Variants in ALS2CL observed in about 807,000 individuals in gnomAD.
ALS2CL encodes ALS2 C-terminal-like protein.
A neutral mutation model predicts 127.9 loss-of-function variants in ALS2CL; 112 were observed. The observed-to-expected ratio is 0.88, with a 90% confidence interval of 0.75 to 1.02. ALS2CL has a LOEUF of 1.02. Among genes scored for constraint, ALS2CL ranks in the 50% least tolerant of loss-of-function variants. The pLI, the probability that ALS2CL is intolerant of heterozygous loss-of-function variation, is 0.00. For missense variants in ALS2CL, 1,174 were observed against 1,236.7 expected (o/e 0.95, Z 0.76); for synonymous variants, 519 against 527.6 (o/e 0.98, Z 0.22).
At chr3:46,679,578 G>T (rs533697264) in intron 14 of ALS2CL, 20 of 220,596 alleles carry the variant, frequency 9.1e-5, no homozygotes, top group African/African-American at 3.2e-4. Context: ...AGAAATGTGG[G>T]GCTTTCTCTG....
Position 46,682,058 on chromosome 3 carries a change from C to G in ALS2CL, c.1146G>C (p.Val382=). 1 of 1,614,050 alleles carries G rather than the reference C, an allele frequency of 6.2e-7. No individual in the cohort carries two copies. Among genetic ancestry groups the G allele is most frequent in the Non-Finnish European group, 8.5e-7 (1 of 1,179,982 alleles). The change falls in exon 11 of 26, where the codon GTG becomes GTC. Residue 382 remains valine (V), a synonymous_variant. Coordinates refer to ENST00000318962, the MANE Select transcript of ALS2CL (RefSeq NM_147129.5). ...GCTCCAGGCCCTGGCAGAAATTCCCCACGTGATTCCGCCCATCCGGCCATT... is the reference window on the plus strand; with the variant it reads ...GCTCCAGGCCCTGGCAGAAATTCCCGACGTGATTCCGCCCATCCGGCCATT... ...TLKWPDGRNH[V]GNFCQGLEHG...
intron 9 of ALS2CL, 87 bp from the exon 10 acceptor site, chr3:46,683,413 AC>A: frequency 7.8e-7 from 1 of 1,277,262 alleles, no homozygotes; most frequent in South Asian, 1.3e-5. Flanking sequence ...TCCAGGTACC[AC>A]CCCCTCCACC....
chr3:46,683,434 C>T (rs1699517475), intron 9 of ALS2CL, 108 bp from the exon 10 acceptor site: 1 of 1,151,002 alleles, frequency 8.7e-7, no homozygotes, highest in Admixed American at 2.4e-5. Context: ...CCTCCACCTC[C>T]TACTCCATTT....
chr3:46,679,530 C>T, intron 14 of ALS2CL: 1 of 309,654 alleles, frequency 3.2e-6, no homozygotes, highest in Non-Finnish European at 5.9e-6. Context: ...CCTGGCTCCT[C>T]ACCCCAGCGG....
chr3:46,674,804 T>C, intron 20 of ALS2CL, 65 bp from the exon 21 acceptor site: 1 of 1,443,220 alleles, frequency 6.9e-7, no homozygotes, highest in Non-Finnish European at 9.2e-7. Flanking sequence ...ACTTGGAGTC[T>C]CGTCTCAAAG....
At position 46,676,730 on chromosome 3, in the gene ALS2CL, G is replaced by A; in HGVS notation, c.1940C>T (p.Pro647Leu). ...QDYLSCERTH[P>L]EDSVGSMEDI... Reference sequence around the variant, plus strand: ...TTCCATACTGCCCACACTGTCCTCAGGGTGGGTCCTGGGCACCACACACAG... The same window carrying A: ...TTCCATACTGCCCACACTGTCCTCAAGGTGGGTCCTGGGCACCACACACAG... The change falls in exon 18 of 26, where the codon CCT becomes CTT. Residue 647 changes from proline (P) to leucine (L), a missense_variant. Transcript: ENST00000318962. 1.2e-6 allele frequency: 2 copies of A among 1,613,644 alleles called. No individual in the cohort carries two copies. The highest frequency in any genetic ancestry group is 1.7e-6 in the Non-Finnish European group (2 of 1,179,962).
chr3:46,677,052 G>T, intron 16 of ALS2CL, 30 bp from the exon 17 acceptor site: 2 of 1,571,184 alleles, frequency 1.3e-6, no homozygotes, highest in East Asian at 2.2e-5. Context: ...TGGGTGATGG[G>T]GCAGAGAGAG....
chr3:46,685,102 A>C (rs1225715347), intron 7 of ALS2CL, among the ~76,000 whole-genome samples: 2 of 152,172 alleles, frequency 1.3e-5, no homozygotes. Flanking sequence ...TTTCTCTAGA[A>C]GCCTTCTCAT....
At position 46,683,775 on chromosome 3, in the gene ALS2CL, C is replaced by T. The variant is rs1295745989; in HGVS notation, c.912+7G>A. ...GCTCCCGCAGTTCACAGCTCACCCA[C>T]ACTCACCTGGCCCTGGGAGTCCTTG... On this transcript the variant is annotated splice_region_variant and intron_variant, in intron 9 of 25. Coordinates refer to ENST00000318962, the MANE Select transcript of ALS2CL (RefSeq NM_147129.5). The T allele has an allele frequency of 1.9e-6, 3 of 1,614,100 alleles. No homozygotes were observed. The highest frequency in any genetic ancestry group is 2.5e-6 in the Non-Finnish European group (3 of 1,179,946).
Position 46,681,537 on chromosome 3 carries a change from A to G in ALS2CL, c.1237T>C (p.Trp413Arg). The change falls in exon 12 of 26, where the codon TGG becomes CGG. Residue 413 changes from tryptophan (W) to arginine (R), a missense_variant. Physicochemically the swap from Trp to Arg is moderately radical, Grantham distance 101. Coordinates refer to ENST00000318962, the MANE Select transcript of ALS2CL (RefSeq NM_147129.5). The surrounding 1 kb of genome is among the most constrained non-coding windows in gnomAD (Gnocchi z 4.9). ...EDKFDCYKCH[W>R]REGSMCGYGI... ...TAGCCACACATGCTGCCTTCTCGCC[A>G]GTGACACTTGTAACAGTCGAACTTG... The G allele has an allele frequency of 1.2e-6, 2 of 1,614,114 alleles. No homozygotes were observed. Among genetic ancestry groups the G allele is most frequent in the Middle Eastern group, 1.6e-4 (1 of 6,062 alleles).
intron 14 of ALS2CL, chr3:46,679,514 C>T (rs1699150596): frequency 5.9e-6 from 2 of 341,436 alleles, no homozygotes; most frequent in East Asian, 1.1e-4. Context: ...AAATGACACC[C>T]TCCGCCCTGG....
rs549368997 is a variant in ALS2CL, at chr3:46,674,610, G to A, written c.2385C>T (p.Ser795=). 5 of 1,614,114 alleles carry A rather than the reference G, an allele frequency of 3.1e-6. No individual in the cohort carries two copies. In the African/African-American group the frequency reaches 4.0e-5, roughly 13 times the overall value. ...CGAGCAGTTGGGTATCAGGAAAGAG[G>A]CTCAAGTTGGCAATGCCCTGGCTGT... The part of the protein sequence containing the change: ...SFYSQGIANL[S]LFPDTQLLEF... Residue 795 remains serine, a synonymous_variant, in exon 21 of 26, where the codon AGC becomes AGT. Coordinates refer to ENST00000318962, the MANE Select transcript of ALS2CL (RefSeq NM_147129.5).
intron 20 of ALS2CL, chr3:46,675,225 C>T: frequency 4.5e-6 from 1 of 223,864 alleles, no homozygotes; most frequent in Non-Finnish European, 8.8e-6. Context: ...AGGTTTGCTC[C>T]AGGGACTGGG....
Position 46,681,447 on chromosome 3 carries a change from C to T in ALS2CL, c.1275-40G>A. 6.2e-7 allele frequency: 1 copy of T among 1,611,524 alleles called. No homozygotes were observed. The highest frequency in any genetic ancestry group is 8.5e-7 in the Non-Finnish European group (1 of 1,178,038). On this transcript the variant is annotated intron_variant, in intron 12 of 25. Coordinates refer to ENST00000318962, the MANE Select transcript of ALS2CL (RefSeq NM_147129.5). This position sits in a 1 kb window ranked among gnomAD's most constrained non-coding sequence, Gnocchi z 4.9. ...CAACAACGAGCTCTGCCTCATGGAG[C>T]TCAGCCCAGAGGATGGGCCCAGCCC...
At position 46,684,031 on chromosome 3, in the gene ALS2CL, G is replaced by T. The variant is rs777024653; in HGVS notation, c.803C>A (p.Thr268Asn). 6.4e-7 allele frequency: 1 copy of T among 1,562,200 alleles called. No individual in the cohort carries two copies. The highest frequency in any genetic ancestry group is 8.7e-7 in the Non-Finnish European group (1 of 1,152,422). The change falls in exon 8 of 26, where the codon ACC (threonine) becomes AAC (asparagine). Residue 268 changes from threonine to asparagine, a missense_variant. Physicochemically the swap from Thr to Asn is moderately conservative, Grantham distance 65. Coordinates refer to ENST00000318962, the MANE Select transcript of ALS2CL (RefSeq NM_147129.5). ...CACCCACACCAGCTTCAGATCAAAG[G>T]TGTGGACATTGTGGCCCTGGAAGAG... ...LVLLQGHNVH[T>N]FDLKLVWVDP...
At chr3:46,678,935 G>T (rs1204765666) in intron 15 of ALS2CL, among the ~76,000 whole-genome samples, 1 of 152,216 alleles carries the variant, frequency 6.6e-6, no homozygotes, top group African/African-American at 2.4e-5. Flanking sequence ...CTGGTGGAGG[G>T]CGTGTATTCT....
intron 22 of ALS2CL, among the ~76,000 whole-genome samples, chr3:46,672,985 G>A (rs909403355): frequency 6.6e-6 from 1 of 152,120 alleles, no homozygotes; most frequent in East Asian, 1.9e-4. Flanking sequence ...TAACCCGGGC[G>A]ATAAAGTGAG....
chr3:46,683,093 G>A (rs746273874), intron 10 of ALS2CL, 37 bp downstream of exon 10: 5 of 1,519,554 alleles, frequency 3.3e-6, no homozygotes, highest in African/African-American at 1.4e-5. Flanking sequence ...GACCCCCAGG[G>A]AGTCCCACCT....
chr3:46,683,739 C>T, intron 9 of ALS2CL, 43 bp downstream of exon 9: 3 of 1,604,966 alleles, frequency 1.9e-6, no homozygotes, highest in Non-Finnish European at 1.7e-6. Flanking sequence ...CCTACCCTGT[C>T]CTCTGACCCC....
Sources: allele counts gnomAD v4.1 joint callset (sites outside exome capture counted in the v4.1 genomes callset), GRCh38; gene constraint gnomAD v4.1.1; non-coding constraint Gnocchi (gnomAD v3.1); transcripts MANE v1.5; gene names NCBI Gene and HGNC (gene_info 2026-07-23, HGNC 2026-07-21).